ATXN1: variants seen among roughly 807,000 people sequenced by gnomAD.
ATXN1 encodes ataxin 1, also known as ataxin-1.
A neutral mutation model predicts 56.4 loss-of-function variants in ATXN1; 8 were observed. That is an observed-to-expected ratio of 0.14 (90% CI 0.08 to 0.26). The LOEUF is 0.26. Among genes scored for constraint, ATXN1 ranks in the 10% least tolerant of loss-of-function variants. ATXN1 has a pLI of 1.00. For missense variants in ATXN1, 987 were observed against 1,106.5 expected, an observed-to-expected ratio of 0.89 and a Z score of 1.53; for synonymous variants, 514 against 494.6, an observed-to-expected ratio of 1.04 and a Z score of -0.52.
chr6:16,446,614 A>G (rs1227993630), intron 6 of ATXN1, among the ~76,000 whole-genome samples: 1 of 152,240 alleles, frequency 6.6e-6, no homozygotes, highest in Non-Finnish European at 1.5e-5. Context: ...AGTCATTTGC[A>G]TGAAATAAAT....
chr6:16,428,609 C>T (rs1321575937), intron 6 of ATXN1, among the ~76,000 whole-genome samples: 2 of 152,044 alleles, frequency 1.3e-5, no homozygotes, highest in Non-Finnish European at 2.9e-5. Context: ...ATTATTAAGC[C>T]AAGTTTGCAA....
intron 2 of ATXN1, among the ~76,000 whole-genome samples, chr6:16,660,832 GTTTTTTTTTTTT>G (rs754718969): frequency 2.1e-5 from 2 of 93,034 alleles, no homozygotes; most frequent in African/African-American, 4.2e-5. Flanking sequence ...TTTTGTTTTG[GTTTTTTTTTTTT>G]TTTTTTTTTT....
chr6:16,602,388 T>C (rs1267895035), intron 3 of ATXN1, among the ~76,000 whole-genome samples: 1 of 152,190 alleles, frequency 6.6e-6, no homozygotes, highest in Admixed American at 6.5e-5. Flanking sequence ...TTTAAGCTTT[T>C]AATTTTTTTA....
intron 6 of ATXN1, among the ~76,000 whole-genome samples, chr6:16,385,091 G>A (rs976043309): frequency 6.6e-6 from 1 of 152,206 alleles, no homozygotes; most frequent in Non-Finnish European, 1.5e-5. Context: ...GTGACTGCAT[G>A]TGATGTGAGA....
chr6:16,638,780 C>T (rs1336532921), intron 3 of ATXN1, among the ~76,000 whole-genome samples: 2 of 152,172 alleles, frequency 1.3e-5, no homozygotes, highest in African/African-American at 4.8e-5. Flanking sequence ...GCTTTACTAC[C>T]TCATCAGGAA....
chr6:16,503,716 T>A (rs1397360483), intron 5 of ATXN1, among the ~76,000 whole-genome samples: 1 of 152,194 alleles, frequency 6.6e-6, no homozygotes, highest in Admixed American at 6.5e-5. Flanking sequence ...GTTGAATGAA[T>A]GAATAAAGAT....
At chr6:16,523,887 C>G (rs1454380717) in intron 4 of ATXN1, among the ~76,000 whole-genome samples, 1 of 152,210 alleles carries the variant, frequency 6.6e-6, no homozygotes. Context: ...ATCTACACCA[C>G]ACAAGGAACT....
At chr6:16,383,102 A>G (rs1758165095) in intron 6 of ATXN1, among the ~76,000 whole-genome samples, 2 of 152,140 alleles carry the variant, frequency 1.3e-5, no homozygotes, top group Admixed American at 1.3e-4. Context: ...ACCCCGCACC[A>G]TATCTTCTCT....
intron 3 of ATXN1, among the ~76,000 whole-genome samples, chr6:16,644,171 TGG>T (rs1763758992): frequency 6.6e-6 from 1 of 152,142 alleles, no homozygotes; most frequent in South Asian, 2.1e-4. Flanking sequence ...AAATGGATAG[TGG>T]AGATGATTGC....
chr6:16,507,671 T>C (rs2113680711), intron 5 of ATXN1, among the ~76,000 whole-genome samples: 1 of 152,356 alleles, frequency 6.6e-6, no homozygotes, highest in South Asian at 2.1e-4. Context: ...TCTATTGGTC[T>C]CTTAAATAAA....
intron 2 of ATXN1, among the ~76,000 whole-genome samples, chr6:16,706,072 C>T (rs903981658): frequency 2.4e-4 from 36 of 152,036 alleles, no homozygotes; most frequent in Non-Finnish European, 2.1e-4. Context: ...CTCCTTCAGC[C>T]CATCCATATA....
chr6:16,411,491 T>TTATATTAATATATTAATA (rs1265730526), intron 6 of ATXN1, among the ~76,000 whole-genome samples: 2 of 152,126 alleles, frequency 1.3e-5, no homozygotes, highest in East Asian at 3.8e-4. Context: ...TTATATCTGA[T>TTATATTAATATATTAATA]TATATTAATA....
chr6:16,627,952 A>T (rs1246943827), intron 3 of ATXN1, among the ~76,000 whole-genome samples: 1 of 152,252 alleles, frequency 6.6e-6, no homozygotes, highest in Non-Finnish European at 1.5e-5. Context: ...AGAGCTGCTC[A>T]TTCTGATCAA....
chr6:16,619,448 G>C (rs1421973185), intron 3 of ATXN1, among the ~76,000 whole-genome samples: 1 of 152,084 alleles, frequency 6.6e-6, no homozygotes, highest in Non-Finnish European at 1.5e-5. Flanking sequence ...TAAAACTTAC[G>C]ATAGGCCCTA....
intron 3 of ATXN1, among the ~76,000 whole-genome samples, chr6:16,612,630 A>G (rs7748113): frequency 0.059 from 8,946 of 152,216 alleles, 858 homozygotes; most frequent in African/African-American, 0.2. Flanking sequence ...GGTGGCTCAC[A>G]CCTTTGTAAT....
chr6:16,350,762 G>A (rs764199778), intron 6 of ATXN1, among the ~76,000 whole-genome samples: 21 of 152,146 alleles, frequency 1.4e-4, no homozygotes, highest in Non-Finnish European at 2.9e-4. Context: ...GCAAATCACC[G>A]AACCCAAGCC....
chr6:16,606,888 T>TGTGTGTGTGTGTGTGTGTGTGTGTGTG (rs145108851), intron 3 of ATXN1, among the ~76,000 whole-genome samples: 2 of 146,930 alleles, frequency 1.4e-5, no homozygotes, highest in African/African-American at 2.5e-5. Context: ...TGTGTGTGTG[T>TGTGTGTGTGTGTGTGTGTGTGTGTGTG]TGTTTGTTTG....
At chr6:16,447,517 C>A (rs1759660034) in intron 6 of ATXN1, among the ~76,000 whole-genome samples, 1 of 152,198 alleles carries the variant, frequency 6.6e-6, no homozygotes, top group East Asian at 1.9e-4. Context: ...AGCCACCACA[C>A]CCTGCCTATT....
At chr6:16,700,556 C>T (rs567212556) in intron 2 of ATXN1, among the ~76,000 whole-genome samples, 3 of 152,228 alleles carry the variant, frequency 2.0e-5, no homozygotes, top group Admixed American at 6.5e-5. Flanking sequence ...GAATCCTGGC[C>T]ATTTACAGAG....
Sources: gnomAD v4.1 joint callset for allele counts (sites outside exome capture counted in the v4.1 genomes callset) on GRCh38, gnomAD v4.1.1 for gene constraint, MANE v1.5 for transcripts, NCBI Gene and HGNC (gene_info 2026-07-23, HGNC 2026-07-21) for gene names.